PKNOX2: variants seen among roughly 807,000 people sequenced by gnomAD.
The protein encoded by PKNOX2 is PBX/knotted 1 homeobox 2.
Under a neutral mutation model 53.1 loss-of-function variants are expected in PKNOX2, and 14 were observed. The ratio of observed to expected loss-of-function variants is 0.26; its 90% CI spans 0.17 to 0.41. The LOEUF (loss-of-function observed/expected upper bound fraction) is 0.41, where lower values mean the gene tolerates loss of function less well. PKNOX2 is among the 10% of genes least tolerant of loss of function. The pLI, the probability that PKNOX2 is intolerant of heterozygous loss-of-function variation, is 1.00. For missense variants in PKNOX2, 496 were observed against 602.8 expected (o/e 0.82, Z 1.85); for synonymous variants, 257 against 242.8 (o/e 1.06, Z -0.54).
chr11:125,229,770 G>C (rs1194619461), intron 1 of PKNOX2, among the ~76,000 whole-genome samples: 1 of 152,156 alleles, frequency 6.6e-6, no homozygotes, highest in East Asian at 1.9e-4. Flanking sequence ...GGATGTCCAT[G>C]GGGCCAGGGG....
At chr11:125,359,987 G>C (rs1029141482) in intron 4 of PKNOX2, among the ~76,000 whole-genome samples, 2 of 152,170 alleles carry the variant, frequency 1.3e-5, no homozygotes, top group Admixed American at 1.3e-4. Context: ...GCCTCCCAAA[G>C]TGCTGGGATT....
intron 2 of PKNOX2, among the ~76,000 whole-genome samples, chr11:125,242,126 C>T (rs1206166589): frequency 6.6e-6 from 1 of 152,168 alleles, no homozygotes; most frequent in African/African-American, 2.4e-5. Context: ...ATCTGTGGTT[C>T]CCCGTCTATG....
chr11:125,377,568 G>A (rs1283690829), intron 5 of PKNOX2, among the ~76,000 whole-genome samples: 2 of 152,168 alleles, frequency 1.3e-5, no homozygotes, highest in Non-Finnish European at 2.9e-5. Flanking sequence ...GGCTGCTGAA[G>A]GACAGTAGTG....
intron 4 of PKNOX2, among the ~76,000 whole-genome samples, chr11:125,354,669 C>A (rs749880): frequency 0.015 from 2,245 of 152,288 alleles, 49 homozygotes; most frequent in African/African-American, 0.051. Context: ...AAGCCCCGGA[C>A]CTTCTTTATA....
intron 1 of PKNOX2, among the ~76,000 whole-genome samples, chr11:125,213,495 G>T (rs2135460012): frequency 6.6e-6 from 1 of 152,256 alleles, no homozygotes; most frequent in East Asian, 1.9e-4. Context: ...CTCTCACTCT[G>T]TCACCCAGGC....
chr11:125,427,748 G>C (rs1591569893), intron 10 of PKNOX2, among the ~76,000 whole-genome samples: 1 of 152,092 alleles, frequency 6.6e-6, no homozygotes, highest in African/African-American at 2.4e-5. Flanking sequence ...TGAGGATGCT[G>C]GATGGCTTGA....
chr11:125,356,178 C>G (rs1479869473), intron 4 of PKNOX2, among the ~76,000 whole-genome samples: 1 of 152,196 alleles, frequency 6.6e-6, no homozygotes, highest in Non-Finnish European at 1.5e-5. Flanking sequence ...CTGCGTGTCC[C>G]TGGCATGTCA....
chr11:125,421,664 A>G (rs595522), intron 10 of PKNOX2, among the ~76,000 whole-genome samples: 137,726 of 152,290 alleles, frequency 0.9, 63,336 homozygotes, highest in East Asian at 1. Context: ...CAGCAGAAAC[A>G]CCTTCCTACC....
intron 5 of PKNOX2, among the ~76,000 whole-genome samples, chr11:125,381,578 G>T (rs1000648777): frequency 5.9e-5 from 9 of 152,058 alleles, no homozygotes; most frequent in Admixed American, 1.3e-4. Context: ...AGTGAAGGAG[G>T]TTTAGAAGAC....
intron 1 of PKNOX2, among the ~76,000 whole-genome samples, chr11:125,177,962 A>G (rs1955825140): frequency 6.6e-6 from 1 of 152,148 alleles, no homozygotes; most frequent in Non-Finnish European, 1.5e-5. Flanking sequence ...AGGGAGGGAG[A>G]GAGGGAGGAA....
rs944311115 is a variant in PKNOX2 at position 125,431,251 on chromosome 11, T to C, written c.1278T>C (p.Asp426=). ...AMQQAMMAAH[D]DSLDGTEEED... ...AGCAGGCTATGATGGCTGCACACGA[T>C]GACTCATTGGATGGGACAGAAGAAG... The change falls in exon 13 of 13, where the codon GAT becomes GAC. Residue 426 remains aspartate (D), a synonymous_variant. Transcript: ENST00000298282. 2 of 1,613,530 alleles carry C rather than the reference T, an allele frequency of 1.2e-6. No homozygotes were observed. The highest frequency in any genetic ancestry group is 2.7e-5 in the African/African-American group (2 of 74,846).
intron 2 of PKNOX2, among the ~76,000 whole-genome samples, chr11:125,300,203 C>T (rs184458250): frequency 1.0e-3 from 152 of 152,292 alleles, no homozygotes; most frequent in African/African-American, 2.6e-3. Context: ...CAAAGGTGGC[C>T]GAGCCTAAGG....
At position 125,410,210 on chromosome 11, in the gene PKNOX2, T is replaced by A; in HGVS notation, c.603T>A (p.Asn201Lys). The change falls in exon 8 of 13, where the codon AAT (asparagine) becomes AAA (lysine). Residue 201 changes from asparagine to lysine, a missense_variant. Coordinates refer to ENST00000298282, the MANE Select transcript of PKNOX2 (RefSeq NM_001382323.2). Reference protein sequence around the residue: ...INLHSQDLLQNSPNSMSGVSN... With the variant: ...INLHSQDLLQKSPNSMSGVSN... Reference sequence around the variant, plus strand: ...CTCACTGCCAGGACCTCCTGCAGAATTCCCCCAATTCCATGTCCGGAGTCT... The same window carrying A: ...CTCACTGCCAGGACCTCCTGCAGAAATCCCCCAATTCCATGTCCGGAGTCT... 2 of 1,613,954 alleles carry A rather than the reference T, an allele frequency of 1.2e-6. No homozygotes were observed. Among genetic ancestry groups the A allele is most frequent in the Non-Finnish European group, 1.7e-6 (2 of 1,179,932 alleles).
chr11:125,168,866 A>G (rs1402090782), intron 1 of PKNOX2, among the ~76,000 whole-genome samples: 1 of 152,262 alleles, frequency 6.6e-6, no homozygotes, highest in Non-Finnish European at 1.5e-5. Flanking sequence ...GAAACAACCA[A>G]TAAAATTTAT....
chr11:125,312,683 C>T (rs1488567445), intron 2 of PKNOX2, among the ~76,000 whole-genome samples: 1 of 152,162 alleles, frequency 6.6e-6, no homozygotes, highest in Non-Finnish European at 1.5e-5. Context: ...AAACCACCCA[C>T]CTCGAGGAGC....
chr11:125,410,860 A>G lies in PKNOX2; in HGVS notation c.800A>G (p.Gln267Arg). The G allele has an allele frequency of 6.2e-7, 1 of 1,613,964 alleles. No homozygotes were observed. Among genetic ancestry groups the G allele is most frequent in the Non-Finnish European group, 8.5e-7 (1 of 1,179,854 alleles). Residue 267 changes from glutamine to arginine, a missense_variant, in exon 9 of 13, where the codon CAG (glutamine) becomes CGG (arginine). By Grantham distance (43) the Gln-to-Arg change is conservative (BLOSUM62 1). Around this residue, in one of 5 missense-constraint regions of PKNOX2, gnomAD observed 141 missense variants for 143.9 expected, o/e 0.98. Transcript: ENST00000298282. ...CAAGCAATCCCCCAGGGAGCCATCC[A>G]GATCCAGAACACACAGGTGAGTGTG... ...VTQAIPQGAI[Q>R]IQNTQVNLDL... is the part of the protein sequence containing the mutation.
chr11:125,195,948 A>G (rs575137071), intron 1 of PKNOX2, among the ~76,000 whole-genome samples: 16 of 151,830 alleles, frequency 1.1e-4, no homozygotes, highest in Non-Finnish European at 2.2e-4. Context: ...TCCCAGACAC[A>G]GAAACTCCAG....
rs559451299 is a variant in PKNOX2, at chr11:125,378,395, T to C, written c.228-7156T>C. Among the ~76,000 whole-genome samples the C allele has an allele frequency of 2.6e-5, 4 of 152,312 alleles. No individual in the cohort carries two copies. The South Asian group carries it at 8.3e-4, about 32-fold the overall frequency. ...TGAAGATGTCCACCAAAAAATCTTG[T>C]TCTCCCATGCCTTCCACCTCTGGAT... On this transcript the variant is annotated intron_variant, in intron 5 of 12. Coordinates refer to ENST00000298282, the MANE Select transcript of PKNOX2 (RefSeq NM_001382323.2).
intron 1 of PKNOX2, among the ~76,000 whole-genome samples, chr11:125,232,925 A>T (rs536088799): frequency 6.7e-6 from 1 of 148,660 alleles, no homozygotes; most frequent in Non-Finnish European, 1.5e-5. Flanking sequence ...TAAGAGTGGG[A>T]TTTGGTATAT....
Sources: gnomAD v4.1 joint callset for allele counts (sites outside exome capture counted in the v4.1 genomes callset) on GRCh38, gnomAD v4.1.1 for gene constraint, gnomAD v4.1.1 regional missense constraint, MANE v1.5 for transcripts, NCBI Gene and HGNC (gene_info 2026-07-23, HGNC 2026-07-21) for gene names.